CELF2: variants seen among roughly 807,000 people sequenced by gnomAD.
The protein encoded by CELF2 is CUGBP Elav-like family member 2, also known as CUG triplet repeat RNA-binding protein 2.
In CELF2, 8 loss-of-function variants were observed where a neutral mutation model predicts 62.6. The observed-to-expected ratio is 0.13, with a 90% confidence interval of 0.07 to 0.23. CELF2 has a LOEUF of 0.23. Among genes scored for constraint, CELF2 ranks in the 10% least tolerant of loss-of-function variants. CELF2 has a pLI of 1.00. For synonymous variants in CELF2, 258 were observed against 250.0 expected (o/e 1.03, Z -0.30); for missense variants, 333 against 671.0 (o/e 0.50, Z 5.56).
intron 1 of CELF2, among the ~76,000 whole-genome samples, chr10:11,028,235 G>C (rs1021071685): frequency 2.6e-5 from 4 of 151,694 alleles, no homozygotes; most frequent in Admixed American, 6.6e-5. Flanking sequence ...TTCTGGGATG[G>C]GGGGGAAGCA....
chr10:10,957,210 C>T lies in CELF2; in HGVS notation c.89+37211C>T, dbSNP rs1375239113. Among the ~76,000 whole-genome samples, 1 of 152,200 alleles carries T rather than the reference C, an allele frequency of 6.6e-6. No individual in the cohort carries two copies. Among genetic ancestry groups the T allele is most frequent in the African/African-American group, 2.4e-5 (1 of 41,446 alleles). Reference sequence around the variant, plus strand: ...AGTCTTAGTCTCTTTACCATTTAACCAGTTTCCCACTAATTCACTCAAACC... The same window carrying T: ...AGTCTTAGTCTCTTTACCATTTAACTAGTTTCCCACTAATTCACTCAAACC... On this transcript the variant is annotated intron_variant, in intron 2 of 13. Transcript: ENST00000636488. The surrounding 1 kb of genome is among the most constrained non-coding windows in gnomAD (Gnocchi z 4.1).
At chr10:11,239,977 G>A (rs1201480217) in intron 3 of CELF2, among the ~76,000 whole-genome samples, 1 of 152,160 alleles carries the variant, frequency 6.6e-6, no homozygotes, top group African/African-American at 2.4e-5. Context: ...CGCTTGAACC[G>A]AGAGGCAGAG....
rs565902800 is a variant in CELF2, at chr10:10,892,281, C to T, written c.54-27683C>T. ...TTTAGGCAGGAAGCTTCCCTAGAGA[C>T]TAGAGATGTCCAGTTACTTGGCCAA... On this transcript the variant is annotated intron_variant, in intron 1 of 13. Transcript: ENST00000636488. Among the ~76,000 whole-genome samples the T allele has an allele frequency of 3.6e-4, 55 of 152,254 alleles. No individual in the cohort carries two copies. In the South Asian group the frequency reaches 4.4e-3, roughly 12 times the overall value.
chr10:11,289,574 G>C (rs998344932), intron 9 of CELF2, among the ~76,000 whole-genome samples: 1 of 152,176 alleles, frequency 6.6e-6, no homozygotes, highest in African/African-American at 2.4e-5. Flanking sequence ...GGATTGTTTC[G>C]AGGGAGAAGT....
the CELF2 span, among the ~76,000 whole-genome samples, chr10:10,643,883 TAC>T: frequency 2.0e-5 from 3 of 152,242 alleles, no homozygotes; most frequent in Non-Finnish European, 4.4e-5. Flanking sequence ...TTGACACAGT[TAC>T]AGTTTAGTGG....
intron 2 of CELF2, among the ~76,000 whole-genome samples, chr10:11,167,904 C>T (rs2067697653): frequency 6.6e-6 from 1 of 152,186 alleles, no homozygotes; most frequent in Admixed American, 6.5e-5. Context: ...AGTTAAGAAA[C>T]ATAGCCCCGT....
intron 1 of CELF2, among the ~76,000 whole-genome samples, chr10:11,161,396 C>T (rs552144607): frequency 6.6e-6 from 1 of 152,268 alleles, no homozygotes; most frequent in Middle Eastern, 3.4e-3. Context: ...CTGGGGCCTG[C>T]GAGTGGTCAC....
Position 11,034,190 on chromosome 10 carries a change from A to G in CELF2, c.74+16027A>G, listed in dbSNP as rs1450941068. Among the ~76,000 whole-genome samples, 4 of 152,230 alleles carry G rather than the reference A, an allele frequency of 2.6e-5. No homozygotes were observed. The East Asian group carries it at 7.7e-4, about 29-fold the overall frequency. On this transcript the variant is annotated intron_variant, in intron 1 of 12. Coordinates refer to ENST00000633077, the MANE Select transcript of CELF2 (RefSeq NM_001326342.2). ...ATTTTCTTGAAGGAAACACAAGTTT[A>G]AAATGAAGAAAGAGCTGTACTTCTG... is the stretch of plus-strand genomic sequence containing the variant.
rs1316407808 is a variant in CELF2, at chr10:11,280,570, A to C, written c.841+5450A>C. On this transcript the variant is annotated intron_variant, in intron 8 of 12. Transcript: ENST00000633077. This position sits in a 1 kb window ranked among gnomAD's most constrained non-coding sequence, Gnocchi z 7.6. ...CATCGTTGCCAGGGAAGGGCCCAGG[A>C]ACACTGGGGCCAAGACAGTCCCCAC... Among the ~76,000 whole-genome samples the C allele has an allele frequency of 6.6e-6, 1 of 152,194 alleles. No homozygotes were observed. The highest frequency in any genetic ancestry group is 1.5e-5 in the Non-Finnish European group (1 of 68,032).
chr10:10,575,901 C>A, the CELF2 span, among the ~76,000 whole-genome samples: 1 of 152,252 alleles, frequency 6.6e-6, no homozygotes, highest in South Asian at 2.1e-4. Flanking sequence ...AATCCTTGAC[C>A]CCTGGCAAGG....
At position 11,268,764 on chromosome 10, in the gene CELF2, C is replaced by T. The variant is rs185964600; in HGVS notation, c.619-1902C>T. ...ATGCAGTCACATTATAATTGTTTGACTAACGTTGTTTATTTTTAACTAATT... is the reference window on the plus strand; with the variant it reads ...ATGCAGTCACATTATAATTGTTTGATTAACGTTGTTTATTTTTAACTAATT... On this transcript the variant is annotated intron_variant, in intron 6 of 12. Coordinates refer to ENST00000633077, the MANE Select transcript of CELF2 (RefSeq NM_001326342.2). The surrounding 1 kb of genome is among the most constrained non-coding windows in gnomAD (Gnocchi z 4.7). Among the ~76,000 whole-genome samples the T allele has an allele frequency of 3.2e-4, 49 of 152,154 alleles. 2 individuals carry two copies. The East Asian group carries it at 5.8e-3, about 18-fold the overall frequency.
chr10:11,215,150 T>C (rs2062979632), intron 2 of CELF2, among the ~76,000 whole-genome samples: 1 of 152,220 alleles, frequency 6.6e-6, no homozygotes, highest in Non-Finnish European at 1.5e-5. Context: ...TGTTTTAGTA[T>C]GTAAATAGCA....
At chr10:10,925,038 G>A (rs2065331461) in intron 2 of CELF2, 1 of 152,210 alleles carries the variant, frequency 6.6e-6, no homozygotes, top group Admixed American at 6.5e-5. Flanking sequence ...TCATGGATGT[G>A]ACAGATCAGG....
At chr10:10,571,104 A>G in the CELF2 span, among the ~76,000 whole-genome samples, 14 of 152,338 alleles carry the variant, frequency 9.2e-5, no homozygotes, top group African/African-American at 2.9e-4. Flanking sequence ...TTCATCAGCC[A>G]TAATTTAATA....
chr10:11,060,391 A>G (rs901926689), intron 1 of CELF2, among the ~76,000 whole-genome samples: 2 of 152,208 alleles, frequency 1.3e-5, no homozygotes, highest in South Asian at 4.1e-4. Context: ...AGATTCTCTC[A>G]TTAGAATGAA....
chr10:10,680,099 C>A, the CELF2 span, among the ~76,000 whole-genome samples: 1 of 152,122 alleles, frequency 6.6e-6, no homozygotes, highest in African/African-American at 2.4e-5. Flanking sequence ...TATCCACTCC[C>A]CAAAACATGC....
intron 1 of CELF2, among the ~76,000 whole-genome samples, chr10:10,874,223 T>G (rs1350270939): frequency 6.6e-6 from 1 of 152,046 alleles, no homozygotes; most frequent in African/African-American, 2.4e-5. Flanking sequence ...GAGGCTGAGG[T>G]AGGAGGATTG....
the CELF2 span, among the ~76,000 whole-genome samples, chr10:10,763,989 G>A: frequency 6.6e-6 from 1 of 152,214 alleles, no homozygotes; most frequent in Non-Finnish European, 1.5e-5. Context: ...CACGCTGTGC[G>A]GCTGTCTGAA....
Position 11,165,406 on chromosome 10 carries a change from G to A in CELF2, c.75-80G>A. 1 of 1,478,594 alleles carries A rather than the reference G, an allele frequency of 6.8e-7. No homozygotes were observed. Among genetic ancestry groups the A allele is most frequent in the Non-Finnish European group, 9.1e-7 (1 of 1,103,598 alleles). 91.6% of individuals were successfully genotyped at this position (1,478,594 alleles called of 1,614,324 possible). The stretch of plus-strand genomic sequence containing the variant: ...TTCTTCCTCCTCCTTCCGCCTCCCC[G>A]CTCCCCCACCCCCACTATTTTTTCT... On this transcript the variant is annotated intron_variant, in intron 1 of 12. Transcript: ENST00000633077. This position sits in a 1 kb window ranked among gnomAD's most constrained non-coding sequence, Gnocchi z 7.4.
Sources: gnomAD v4.1 joint callset for allele counts (sites outside exome capture counted in the v4.1 genomes callset) on GRCh38, gnomAD v4.1.1 for gene constraint, Gnocchi (gnomAD v3.1) non-coding constraint, MANE v1.5 for transcripts, NCBI Gene and HGNC (gene_info 2026-07-23, HGNC 2026-07-21) for gene names.